The following LYG2 variants were observed in gnomAD, a reference collection of about 807,000 sequenced individuals.
LYG2 encodes lysozyme g2, also known as lysozyme g-like protein 2.
In LYG2, 25 loss-of-function variants were observed where a neutral mutation model predicts 22.4. The observed-to-expected ratio is 1.12, with a 90% CI of 0.81 to 1.56. LYG2 has a LOEUF of 1.56. Ranked by LOEUF, LYG2 falls within the 40% of genes most tolerant of loss-of-function variation. The probability of loss-of-function intolerance (pLI) is 0.00; values close to 1 mark genes in which losing one functional copy is unlikely to be tolerated. For missense variants in LYG2, 266 were observed against 269.5 expected (o/e 0.99, Z 0.09); for synonymous variants, 88 against 97.0 (o/e 0.91, Z 0.55).
chr2:99,250,565 G>A (rs1042166497), intron 3 of LYG2, among the ~76,000 whole-genome samples: 21 of 152,158 alleles, frequency 1.4e-4, no homozygotes, highest in Admixed American at 3.9e-4. Context: ...TAGTAGAGGC[G>A]GGGTTTCAGC....
rs562657483 is a variant in LYG2 at position 99,255,269 on chromosome 2, T to G, written c.-143-132A>C. ...GCATGAAGACTCACCTGGCTTTTCTTACCTTCGTCCTGTACCAATGATCAT... is the reference window on the plus strand; with the variant it reads ...GCATGAAGACTCACCTGGCTTTTCTGACCTTCGTCCTGTACCAATGATCAT... On this transcript the variant is annotated intron_variant, in intron 1 of 6. Transcript: ENST00000333017. 12 of 152,366 alleles carry G rather than the reference T, an allele frequency of 7.9e-5. No homozygotes were observed. In the South Asian group the frequency reaches 1.2e-3, roughly 16 times the overall value. 9.4% of individuals were successfully genotyped at this position (152,366 alleles called of 1,614,324 possible). A position where few individuals can be genotyped will look rare whatever the true frequency, so the allele number is the denominator to read the frequency against.
chr2:99,242,924 T>A (rs2094008998), intron 6 of LYG2, among the ~76,000 whole-genome samples: 1 of 152,244 alleles, frequency 6.6e-6, no homozygotes, highest in Non-Finnish European at 1.5e-5. Context: ...GACACACTTA[T>A]TTCTTTGGGT....
Position 99,244,133 on chromosome 2 carries a change from T to C in LYG2, c.386A>G (p.Asp129Gly). 1 of 1,612,246 alleles carries C rather than the reference T, an allele frequency of 6.2e-7. No homozygotes were observed. The highest frequency in any genetic ancestry group is 1.3e-5 in the African/African-American group (1 of 74,952). Residue 129 changes from aspartate (D) to glycine (G), a missense_variant, in exon 6 of 7, where the codon GAT becomes GGT. Physicochemically the swap from Asp to Gly is moderately conservative, Grantham distance 94. Coordinates refer to ENST00000333017, the MANE Select transcript of LYG2 (RefSeq NM_175735.4). Reference protein sequence around the residue: ...RGLKFGLMQLDKQTYHPVGAW... With the variant: ...RGLKFGLMQLGKQTYHPVGAW... The stretch of plus-strand genomic sequence containing the variant: ...ACCGACAGGGTGGTACGTTTGTTTA[T>C]CAAGCTAGAAAATTCAGATAATAAA...
chr2:99,254,099 G>T, intron 3 of LYG2, 119 bp downstream of exon 3: 1 of 887,858 alleles, frequency 1.1e-6, no homozygotes, highest in Admixed American at 1.9e-5. Flanking sequence ...GGCCAAGCTG[G>T]TCAGAATGAG....
intron 3 of LYG2, among the ~76,000 whole-genome samples, chr2:99,251,491 T>C (rs1234714374): frequency 1.3e-5 from 2 of 152,230 alleles, no homozygotes; most frequent in Non-Finnish European, 2.9e-5. Flanking sequence ...TCATTAGAAC[T>C]AGGATTTTTA....
At chr2:99,248,660 C>A (rs540614472) in intron 3 of LYG2, among the ~76,000 whole-genome samples, 26 of 149,954 alleles carry the variant, frequency 1.7e-4, no homozygotes, top group South Asian at 6.3e-4. Flanking sequence ...GTGCAGCACA[C>A]CAGCATGGCA....
At position 99,245,408 on chromosome 2, in the gene LYG2, G is replaced by T. The variant is rs1359494261; in HGVS notation, c.235C>A (p.Pro79Thr). 7 of 1,611,640 alleles carry T rather than the reference G, an allele frequency of 4.3e-6. No individual in the cohort carries two copies. Among genetic ancestry groups the T allele is most frequent in the Non-Finnish European group, 5.9e-6 (7 of 1,178,914 alleles). ...FAEMDLRAIK[P>T]YQTLIKEVGQ... The stretch of plus-strand genomic sequence containing the variant: ...ACTTCTTTGATCAGAGTCTGGTAAG[G>T]TTTTATGGCCCTCAAATCCATCTCA... The change falls in exon 5 of 7, where the codon CCT becomes ACT. Residue 79 changes from proline (P) to threonine (T), a missense_variant. By Grantham distance (38) the Pro-to-Thr change is conservative. Transcript: ENST00000333017.
Position 99,245,465 on chromosome 2 carries a change from C to T in LYG2, c.185-7G>A. On this transcript the variant is annotated splice_polypyrimidine_tract_variant and splice_region_variant and intron_variant, in intron 4 of 6. Coordinates refer to ENST00000333017, the MANE Select transcript of LYG2 (RefSeq NM_175735.4). ...ATTTCAGAACCACGGATCCCTACGT[C>T]AATAGAAAAGAAACTGTTTTTCCGG... 1 of 1,570,656 alleles carries T rather than the reference C, an allele frequency of 6.4e-7. No homozygotes were observed. The highest frequency in any genetic ancestry group is 1.1e-5 in the South Asian group (1 of 87,158).
intron 3 of LYG2, among the ~76,000 whole-genome samples, chr2:99,251,493 G>A (rs1205281395): frequency 6.6e-6 from 1 of 152,074 alleles, no homozygotes; most frequent in Non-Finnish European, 1.5e-5. Context: ...ATTAGAACTA[G>A]GATTTTTAGT....
upstream of LYG2, among the ~76,000 whole-genome samples, chr2:99,258,585 C>T (rs1334874743): frequency 6.6e-6 from 1 of 152,146 alleles, no homozygotes; most frequent in Non-Finnish European, 1.5e-5. Flanking sequence ...TCAGAAACAG[C>T]CACACAAGCA....
chr2:99,243,542 ATTT>A lies in LYG2; in HGVS notation c.520+454_520+456del, dbSNP rs941914319. 6 of 1,498,594 alleles carry A rather than the reference ATTT, an allele frequency of 4.0e-6. No homozygotes were observed. In the African/African-American group the frequency reaches 8.5e-5, roughly 21 times the overall value. 92.8% of individuals were successfully genotyped at this position (1,498,594 alleles called of 1,614,324 possible). On this transcript the variant is annotated intron_variant, in intron 6 of 6. Coordinates refer to ENST00000333017, the MANE Select transcript of LYG2 (RefSeq NM_175735.4). ...GATAGATAGATAGATAGATAGATAA[ATTT>A]TTTTTTGAGAGATGGGGTCTCACTC...
chr2:99,260,521 T>C (rs186590058), upstream of LYG2, among the ~76,000 whole-genome samples: 455 of 152,330 alleles, frequency 3.0e-3, no homozygotes, highest in African/African-American at 0.011. Context: ...CCTAGAAGTC[T>C]GGATGATTTT....
At chr2:99,250,242 A>T (rs1235327757) in intron 3 of LYG2, among the ~76,000 whole-genome samples, 1 of 152,126 alleles carries the variant, frequency 6.6e-6, no homozygotes, top group Non-Finnish European at 1.5e-5. Context: ...ATATCACCTT[A>T]TCAGCAGAAT....
chr2:99,261,468 T>C, the LYG2 span, among the ~76,000 whole-genome samples: 1 of 152,212 alleles, frequency 6.6e-6, no homozygotes, highest in Non-Finnish European at 1.5e-5. Flanking sequence ...CGTGCCTGCT[T>C]CCTGCAGTCT....
chr2:99,252,318 G>A (rs2094028038), intron 3 of LYG2, among the ~76,000 whole-genome samples: 1 of 144,192 alleles, frequency 6.9e-6, no homozygotes, highest in Admixed American at 7.0e-5. Flanking sequence ...CTCCCAAAGT[G>A]CAGGGATTAC....
chr2:99,247,543 G>T (rs1224784489), intron 3 of LYG2, among the ~76,000 whole-genome samples: 1 of 151,710 alleles, frequency 6.6e-6, no homozygotes, highest in Non-Finnish European at 1.5e-5. Context: ...CACCCAAATA[G>T]TGAACACAGT....
At chr2:99,256,121 C>CA (rs764471152), upstream of LYG2, among the ~76,000 whole-genome samples, 15 of 152,308 alleles carry the variant, frequency 9.8e-5, no homozygotes, top group Admixed American at 5.2e-4. Flanking sequence ...AACAGGAAGA[C>CA]AAAACCACAG....
intron 3 of LYG2, among the ~76,000 whole-genome samples, chr2:99,252,496 T>A (rs578004635): frequency 6.6e-6 from 1 of 152,288 alleles, no homozygotes; most frequent in East Asian, 1.9e-4. Flanking sequence ...CTAGATGTTT[T>A]TCTCTGCTAT....
intron 3 of LYG2, among the ~76,000 whole-genome samples, chr2:99,247,906 C>T (rs1289250572): frequency 2.0e-5 from 3 of 152,002 alleles, no homozygotes; most frequent in Non-Finnish European, 4.4e-5. Flanking sequence ...ACAACCCCAT[C>T]AAAAAGTGGG....
Sources: allele counts gnomAD v4.1 joint callset (sites outside exome capture counted in the v4.1 genomes callset), GRCh38; gene constraint gnomAD v4.1.1; transcripts MANE v1.5; gene names NCBI Gene and HGNC (gene_info 2026-07-23, HGNC 2026-07-21).